The following COG5 variants were observed in gnomAD, a reference collection of about 807,000 sequenced individuals.
COG5 encodes the protein component of oligomeric golgi complex 5.
COG5 carries 86 observed loss-of-function variants against 110.4 expected under a neutral mutation model. The ratio of observed to expected loss-of-function variants is 0.78; its 90% CI spans 0.65 to 0.93. The LOEUF (loss-of-function observed/expected upper bound fraction) is 0.93, where lower values mean the gene tolerates loss of function less well. Ranked by LOEUF, COG5 falls within the 40% of genes least tolerant of loss-of-function variation. The pLI is 0.00. For missense variants in COG5, 1,077 were observed against 987.0 expected (o/e 1.09, Z -1.22); for synonymous variants, 360 against 334.6 (o/e 1.08, Z -0.83).
At chr7:107,510,167 G>A (rs1262036965) in intron 6 of COG5, among the ~76,000 whole-genome samples, 1 of 151,980 alleles carries the variant, frequency 6.6e-6, no homozygotes, top group Non-Finnish European at 1.5e-5. Flanking sequence ...CACGTGCAGA[G>A]ACACACATAG....
intron 6 of COG5, among the ~76,000 whole-genome samples, chr7:107,516,986 A>G (rs1041760593): frequency 2.6e-5 from 4 of 152,222 alleles, no homozygotes; most frequent in African/African-American, 9.6e-5. Context: ...GCAAGGGCGC[A>G]GAACTGGACG....
At chr7:107,426,698 A>C (rs77918384) in intron 6 of COG5, among the ~76,000 whole-genome samples, 4,431 of 152,232 alleles carry the variant, frequency 0.029, 232 homozygotes, top group African/African-American at 0.097. Context: ...AGAATTTCAA[A>C]ATATGAATTT....
chr7:107,465,805 C>A (rs1217648915), intron 6 of COG5, among the ~76,000 whole-genome samples: 1 of 152,134 alleles, frequency 6.6e-6, no homozygotes, highest in Non-Finnish European at 1.5e-5. Flanking sequence ...TTCTCAGGCT[C>A]TTTATATAAA....
At chr7:107,352,023 GGCACTATTCACAATA>G (rs1812189789) in intron 10 of COG5, among the ~76,000 whole-genome samples, 2 of 145,232 alleles carry the variant, frequency 1.4e-5, no homozygotes, top group African/African-American at 2.5e-5. Context: ...TGTTTATTGC[GGCACTATTCACAATA>G]GCAAAGACTT....
At chr7:107,226,628 G>A (rs1008697948) in intron 19 of COG5, among the ~76,000 whole-genome samples, 6 of 152,146 alleles carry the variant, frequency 3.9e-5, no homozygotes, top group African/African-American at 1.2e-4. Flanking sequence ...ACAATGGTGC[G>A]GGGCAGAGGC....
intron 19 of COG5, among the ~76,000 whole-genome samples, chr7:107,221,365 GGAAGGT>G (rs1454255208): frequency 6.6e-6 from 1 of 152,066 alleles, no homozygotes; most frequent in Non-Finnish European, 1.5e-5. Context: ...CTCTACAACA[GGAAGGT>G]GATCAAGAAT....
chr7:107,321,237 AAC>A (rs1278019890), intron 11 of COG5, among the ~76,000 whole-genome samples: 1 of 152,230 alleles, frequency 6.6e-6, no homozygotes, highest in Non-Finnish European at 1.5e-5. Flanking sequence ...AAATATATAA[AAC>A]AGTGATAAAT....
At chr7:107,287,856 T>C (rs1218883973) in intron 12 of COG5, among the ~76,000 whole-genome samples, 2 of 152,244 alleles carry the variant, frequency 1.3e-5, no homozygotes, top group Non-Finnish European at 2.9e-5. Flanking sequence ...TAATATTGTA[T>C]ATATTTTAAT....
At chr7:107,410,572 C>G (rs1045562476) in intron 7 of COG5, among the ~76,000 whole-genome samples, 2 of 151,848 alleles carry the variant, frequency 1.3e-5, no homozygotes, top group Non-Finnish European at 2.9e-5. Flanking sequence ...CCTCCCGAGT[C>G]GCTGGGATTA....
In COG5 at chr7:107,500,471, C is replaced by T. The variant is rs76550216; in HGVS notation, c.538+26766G>A. On this transcript the variant is annotated intron_variant, in intron 6 of 21. Transcript: ENST00000297135. ...GGATCATGCCTTCTTCATGTGCCCA[C>T]GAAAATAAATTCACCATAAGATATA... 4.6e-5 allele frequency among the ~76,000 whole-genome samples: 7 copies of T among 152,174 alleles called. No homozygotes were observed. In the East Asian group the frequency reaches 5.8e-4, roughly 13 times the overall value.
intron 6 of COG5, among the ~76,000 whole-genome samples, chr7:107,521,579 C>T (rs2129152100): frequency 6.6e-6 from 1 of 152,224 alleles, no homozygotes; most frequent in East Asian, 1.9e-4. Flanking sequence ...CAAATCAAAA[C>T]CATAATGAGA....
chr7:107,235,179 G>A (rs769485981), intron 18 of COG5, among the ~76,000 whole-genome samples: 2 of 152,166 alleles, frequency 1.3e-5, no homozygotes, highest in Non-Finnish European at 2.9e-5. Flanking sequence ...TTGAAAGTGT[G>A]TCAAGTCTGA....
chr7:107,498,302 G>T (rs1209974736), intron 6 of COG5, among the ~76,000 whole-genome samples: 4 of 152,122 alleles, frequency 2.6e-5, no homozygotes, highest in Admixed American at 1.3e-4. Flanking sequence ...AACTAAAGAG[G>T]TTCTGCACAG....
intron 6 of COG5, chr7:107,470,169 TA>T (rs1452118987): frequency 6.6e-6 from 1 of 152,230 alleles, no homozygotes; most frequent in East Asian, 1.9e-4. Context: ...TTCAGTATGT[TA>T]AATTACTTTC....
At chr7:107,313,372 T>C (rs905248407) in intron 11 of COG5, among the ~76,000 whole-genome samples, 7 of 152,332 alleles carry the variant, frequency 4.6e-5, no homozygotes, top group Admixed American at 4.6e-4. Context: ...CAATACCGAA[T>C]ATTAACAAGC....
chr7:107,426,786 T>C (rs1214760524), intron 6 of COG5, among the ~76,000 whole-genome samples: 1 of 152,194 alleles, frequency 6.6e-6, no homozygotes, highest in Non-Finnish European at 1.5e-5. Flanking sequence ...GTTTCAACTG[T>C]CTGGGGCATT....
At chr7:107,336,153 C>A (rs769603413) in intron 10 of COG5, among the ~76,000 whole-genome samples, 3 of 152,126 alleles carry the variant, frequency 2.0e-5, no homozygotes, top group Non-Finnish European at 4.4e-5. Flanking sequence ...ATGAAATCAA[C>A]CTAATTGTCC....
At position 107,312,261 on chromosome 7, in the gene COG5, T is replaced by C. The variant is rs572564675; in HGVS notation, c.1108+12179A>G. 1.8e-4 allele frequency among the ~76,000 whole-genome samples: 27 copies of C among 152,352 alleles called. 1 individual carries two copies. Among genetic ancestry groups the C allele is most frequent in the Admixed American group, 1.4e-3 (21 of 15,298 alleles). On this transcript the variant is annotated intron_variant, in intron 11 of 21. Transcript: ENST00000297135. The stretch of plus-strand genomic sequence containing the variant: ...CCTTCAAATTAATAAAGACTTTAAA[T>C]ATTTAACACTTTAGGGATCCATCTC...
At chr7:107,545,898 G>A (rs182647090) in intron 5 of COG5, among the ~76,000 whole-genome samples, 131 of 151,884 alleles carry the variant, frequency 8.6e-4, no homozygotes, top group African/African-American at 2.1e-3. Context: ...AGAACACTCC[G>A]TCCAACAGCA....
Sources: allele counts gnomAD v4.1 joint callset (sites outside exome capture counted in the v4.1 genomes callset), GRCh38; gene constraint gnomAD v4.1.1; transcripts MANE v1.5; gene names NCBI Gene and HGNC (gene_info 2026-07-23, HGNC 2026-07-21).